TRAF3: variants seen among roughly 807,000 people sequenced by gnomAD.
TRAF3 encodes the protein TNF receptor associated factor 3.
In TRAF3, 13 loss-of-function variants were observed where a neutral mutation model predicts 62.3. The ratio of observed to expected loss-of-function variants is 0.21; its 90% CI spans 0.14 to 0.33. TRAF3 has a LOEUF of 0.33. TRAF3 is among the 10% of genes least tolerant of loss of function. The pLI is 1.00. For missense variants in TRAF3, 440 were observed against 741.8 expected (o/e 0.59, Z 4.73); for synonymous variants, 269 against 283.4 (o/e 0.95, Z 0.51).
intron 2 of TRAF3, among the ~76,000 whole-genome samples, chr14:102,861,798 T>C (rs910138400): frequency 1.2e-4 from 18 of 152,360 alleles, no homozygotes; most frequent in East Asian, 1.9e-4. Context: ...CTTAATGATA[T>C]TGATATTGGA....
chr14:102,852,580 TCTC>T (rs1887108613), intron 2 of TRAF3, among the ~76,000 whole-genome samples: 1 of 152,170 alleles, frequency 6.6e-6, no homozygotes, highest in Non-Finnish European at 1.5e-5. Context: ...TATCTTTACT[TCTC>T]CTTTTAATTT....
At chr14:102,898,720 A>G (rs1248968391) in intron 10 of TRAF3, among the ~76,000 whole-genome samples, 2 of 152,204 alleles carry the variant, frequency 1.3e-5, no homozygotes, top group South Asian at 2.1e-4. Context: ...CCCAAACCTC[A>G]CATTTCCTCT....
rs373508754 is a variant in TRAF3 at position 102,903,443 on chromosome 14, C to T, written c.1135+14C>T. 1.9e-5 allele frequency: 30 copies of T among 1,612,912 alleles called. No homozygotes were observed. Among genetic ancestry groups the T allele is most frequent in the African/African-American group, 1.2e-4 (9 of 74,882 alleles). ...CTCGGAACACAGGTGAGGCAGGGGC[C>T]GGGGCCGGGCCAGCAGTGTGCATCT... On this transcript the variant is annotated intron_variant, in intron 11 of 11. Coordinates refer to ENST00000392745, the MANE Select transcript of TRAF3 (RefSeq NM_145725.3). This position sits in a 1 kb window ranked among gnomAD's most constrained non-coding sequence, Gnocchi z 6.4.
At chr14:102,901,453 T>G (rs1308049574) in intron 10 of TRAF3, among the ~76,000 whole-genome samples, 1 of 152,192 alleles carries the variant, frequency 6.6e-6, no homozygotes, top group East Asian at 1.9e-4. Flanking sequence ...AGTGTGCGTG[T>G]TAGAAGGTGG....
intron 2 of TRAF3, among the ~76,000 whole-genome samples, chr14:102,857,599 A>G (rs1053781187): frequency 6.6e-6 from 1 of 152,192 alleles, no homozygotes; most frequent in Non-Finnish European, 1.5e-5. Flanking sequence ...AGGTCCCAAG[A>G]TGGCGTGGGG....
chr14:102,812,544 A>G (rs1442757907), intron 1 of TRAF3, among the ~76,000 whole-genome samples: 1 of 152,062 alleles, frequency 6.6e-6, no homozygotes, highest in East Asian at 1.9e-4. Context: ...TGGTAGTTCT[A>G]TTTGTAGCTT....
At chr14:102,780,107 G>A (rs551617224) in intron 1 of TRAF3, among the ~76,000 whole-genome samples, 1 of 152,284 alleles carries the variant, frequency 6.6e-6, no homozygotes, top group South Asian at 2.1e-4. Context: ...GGTGAGGCCA[G>A]AGGATTTGGA....
intron 1 of TRAF3, among the ~76,000 whole-genome samples, chr14:102,822,921 G>A (rs908727214): frequency 3.3e-5 from 5 of 151,840 alleles, no homozygotes; most frequent in African/African-American, 1.2e-4. Context: ...CAGGAGAGTT[G>A]CTTGAACCCG....
At chr14:102,800,109 AC>A (rs1898303663) in intron 1 of TRAF3, among the ~76,000 whole-genome samples, 1 of 152,172 alleles carries the variant, frequency 6.6e-6, no homozygotes, top group Non-Finnish European at 1.5e-5. Flanking sequence ...ATTAGAAATG[AC>A]CACAAAAACT....
intron 9 of TRAF3, among the ~76,000 whole-genome samples, chr14:102,896,132 G>A (rs1420018667): frequency 6.6e-6 from 1 of 152,098 alleles, no homozygotes; most frequent in African/African-American, 2.4e-5. Context: ...TAATTAAATC[G>A]AGCTAATTAA....
At chr14:102,892,151 T>C (rs181457432) in intron 9 of TRAF3, among the ~76,000 whole-genome samples, 1 of 151,672 alleles carries the variant, frequency 6.6e-6, no homozygotes, top group African/African-American at 2.4e-5. Flanking sequence ...TCTGCCTCCC[T>C]GGTTCAAGCA....
At position 102,899,401 on chromosome 14, in the gene TRAF3, C is replaced by T. The variant is rs1314303240; in HGVS notation, c.960+2000C>T. 2.0e-5 allele frequency among the ~76,000 whole-genome samples: 3 copies of T among 152,310 alleles called. No homozygotes were observed. The South Asian group carries it at 6.2e-4, about 32-fold the overall frequency. On this transcript the variant is annotated intron_variant, in intron 10 of 11. Transcript: ENST00000392745. Reference sequence around the variant, plus strand: ...AGCTCAGCCGTGTTCCCCACTGTTTCATCCTCAGAGCCCTTCCTGTTGCCC... The same window carrying T: ...AGCTCAGCCGTGTTCCCCACTGTTTTATCCTCAGAGCCCTTCCTGTTGCCC...
In TRAF3 at chr14:102,905,512, C is replaced by A. The variant is rs780215702; in HGVS notation, c.1435C>A (p.Arg479Ser). ...CTTGTCGCTGTTTTTTGTCATCATG[C>A]GTGGAGAATATGATGCCCTGCTTCC... ...THLSLFFVIM[R>S]GEYDALLPWP... Residue 479 changes from arginine to serine, a missense_variant, in exon 12 of 12, where the codon CGT becomes AGT. By Grantham distance (110) the Arg-to-Ser change is moderately radical (BLOSUM62 -1). Coordinates refer to ENST00000392745, the MANE Select transcript of TRAF3 (RefSeq NM_145725.3). The A allele has an allele frequency of 1.2e-6, 2 of 1,614,016 alleles. No homozygotes were observed. Among genetic ancestry groups the A allele is most frequent in the African/African-American group, 1.3e-5 (1 of 74,898 alleles).
intron 2 of TRAF3, among the ~76,000 whole-genome samples, chr14:102,834,620 G>A (rs1330481249): frequency 2.1e-5 from 3 of 141,994 alleles, no homozygotes; most frequent in African/African-American, 8.2e-5. Context: ...CCCGGGAGGC[G>A]GAGCTTGCAG....
chr14:102,813,038 C>A (rs1423000197), intron 1 of TRAF3, among the ~76,000 whole-genome samples: 1 of 152,042 alleles, frequency 6.6e-6, no homozygotes, highest in Non-Finnish European at 1.5e-5. Context: ...TGCAATGGCA[C>A]AATCTCGGCT....
At chr14:102,822,205 A>G (rs1041634625) in intron 1 of TRAF3, among the ~76,000 whole-genome samples, 35 of 152,352 alleles carry the variant, frequency 2.3e-4, no homozygotes, top group Admixed American at 5.9e-4. Context: ...AAGATTTTCC[A>G]CAGAAATATG....
intron 1 of TRAF3, among the ~76,000 whole-genome samples, chr14:102,821,762 GGCC>G (rs1184211670): frequency 6.6e-6 from 1 of 152,198 alleles, no homozygotes; most frequent in Non-Finnish European, 1.5e-5. Context: ...AGGGTTTTGT[GGCC>G]GGGCACGGTG....
intron 2 of TRAF3, among the ~76,000 whole-genome samples, chr14:102,843,792 A>G (rs1293936806): frequency 6.6e-6 from 1 of 152,112 alleles, no homozygotes; most frequent in Non-Finnish European, 1.5e-5. Context: ...TGGGTGACAG[A>G]GTGAGACCCT....
At chr14:102,839,114 G>C (rs1886206663) in intron 2 of TRAF3, among the ~76,000 whole-genome samples, 1 of 151,360 alleles carries the variant, frequency 6.6e-6, no homozygotes, top group Non-Finnish European at 1.5e-5. Context: ...TGATGAGGTA[G>C]GATTGGGAGT....
Sources: allele counts gnomAD v4.1 joint callset (sites outside exome capture counted in the v4.1 genomes callset), GRCh38; gene constraint gnomAD v4.1.1; non-coding constraint Gnocchi (gnomAD v3.1); transcripts MANE v1.5; gene names NCBI Gene and HGNC (gene_info 2026-07-23, HGNC 2026-07-21).